PACC1: variants seen among roughly 807,000 people sequenced by gnomAD.
PACC1 encodes the protein proton-activated chloride channel.
In PACC1, 34 loss-of-function variants were observed where a neutral mutation model predicts 39.7. The ratio of observed to expected loss-of-function variants is 0.86; its 90% CI spans 0.65 to 1.14. The LOEUF (loss-of-function observed/expected upper bound fraction) is 1.14, where lower values mean the gene tolerates loss of function less well. Ranked by LOEUF, PACC1 falls within the 50% of genes most tolerant of loss-of-function variation. The pLI is 0.00. For synonymous variants in PACC1, 127 were observed against 160.6 expected (o/e 0.79, Z 1.58); for missense variants, 379 against 436.4 (o/e 0.87, Z 1.17).
chr1:212,396,715 A>AC (rs1661534018), intron 2 of PACC1, among the ~76,000 whole-genome samples: 1 of 151,348 alleles, frequency 6.6e-6, no homozygotes, highest in Admixed American at 6.6e-5. Flanking sequence ...AAAAAAAAAA[A>AC]AAAACCATCC....
At chr1:212,395,575 A>C (rs975731600) in intron 2 of PACC1, among the ~76,000 whole-genome samples, 1 of 152,234 alleles carries the variant, frequency 6.6e-6, no homozygotes, top group African/African-American at 2.4e-5. Context: ...ACAAAAGCCA[A>C]AATTGACAAA....
Position 212,375,345 on chromosome 1 carries a change from C to T in PACC1, c.784-45G>A, listed in dbSNP as rs201804729. ...AGCAGTGTTACCACCTCTGTGTGCC[C>T]TTCCCTTGCCTGTGCCCAGCGAAAG... On this transcript the variant is annotated intron_variant, in intron 6 of 7. Coordinates refer to ENST00000261455, the MANE Select transcript of PACC1 (RefSeq NM_018252.3). 26 of 1,358,926 alleles carry T rather than the reference C, an allele frequency of 1.9e-5. No homozygotes were observed. The African/African-American group carries it at 3.3e-4, about 17-fold the overall frequency. The allele number at this position is 1,358,926 out of a possible 1,614,324, so 84.2% of individuals were successfully genotyped here. A position where few individuals can be genotyped will look rare whatever the true frequency, so the allele number is the denominator to read the frequency against.
rs1361909825 is a variant in PACC1 at position 212,386,358 on chromosome 1, G to C, written c.343+533C>G. ...TAGCAGAGTGGACTCCCCACTCAGG[G>C]ACCAGACACCCCAGTGAGACAGGTA... On this transcript the variant is annotated intron_variant, in intron 3 of 7. Transcript: ENST00000261455. This position sits in a 1 kb window ranked among gnomAD's most constrained non-coding sequence, Gnocchi z 5.0. Among the ~76,000 whole-genome samples the C allele has an allele frequency of 6.6e-6, 1 of 152,126 alleles. No individual in the cohort carries two copies. Among genetic ancestry groups the C allele is most frequent in the East Asian group, 1.9e-4 (1 of 5,188 alleles).
At chr1:212,414,019 A>G (rs1310241731) in intron 1 of PACC1, 2 of 1,535,862 alleles carry the variant, frequency 1.3e-6, no homozygotes, top group South Asian at 2.4e-5. Flanking sequence ...GAGCAGTTTC[A>G]CTAATACAGC....
intron 2 of PACC1, among the ~76,000 whole-genome samples, chr1:212,388,288 T>C (rs911484545): frequency 2.6e-5 from 4 of 152,162 alleles, no homozygotes; most frequent in Non-Finnish European, 5.9e-5. Flanking sequence ...TAGCCCTTCA[T>C]GCTATGCCTG....
intron 2 of PACC1, among the ~76,000 whole-genome samples, chr1:212,397,083 A>C (rs1368412505): frequency 2.0e-5 from 3 of 152,212 alleles, no homozygotes; most frequent in African/African-American, 7.2e-5. Context: ...GCTAAGAAAA[A>C]TTCTGAAAGC....
intron 2 of PACC1, among the ~76,000 whole-genome samples, chr1:212,391,013 G>C (rs1335018311): frequency 1.3e-5 from 2 of 152,256 alleles, no homozygotes; most frequent in Non-Finnish European, 2.9e-5. Context: ...CCACCTCTGG[G>C]GGCAGGGCAT....
At chr1:212,396,181 C>T (rs1013478158) in intron 2 of PACC1, among the ~76,000 whole-genome samples, 3 of 152,142 alleles carry the variant, frequency 2.0e-5, no homozygotes, top group Admixed American at 1.3e-4. Context: ...AGACTTGGAA[C>T]CAAGCCAAAT....
At chr1:212,396,293 C>T (rs954003097) in intron 2 of PACC1, among the ~76,000 whole-genome samples, 3 of 152,216 alleles carry the variant, frequency 2.0e-5, no homozygotes, top group South Asian at 4.1e-4. Flanking sequence ...TGTAGGGACA[C>T]GGCTGAAGCT....
intron 1 of PACC1, among the ~76,000 whole-genome samples, chr1:212,412,795 A>G (rs1571688697): frequency 6.6e-6 from 1 of 152,372 alleles, no homozygotes; most frequent in South Asian, 2.1e-4. Context: ...TCCTGGACGC[A>G]GGAGCTGCCC....
At chr1:212,390,324 G>A (rs1661264737) in intron 2 of PACC1, among the ~76,000 whole-genome samples, 1 of 151,636 alleles carries the variant, frequency 6.6e-6, no homozygotes, top group Non-Finnish European at 1.5e-5. Context: ...TCAGGAGGCT[G>A]AGGCAGGAGA....
At chr1:212,389,503 A>G (rs1188935884) in intron 2 of PACC1, among the ~76,000 whole-genome samples, 1 of 152,232 alleles carries the variant, frequency 6.6e-6, no homozygotes, top group Non-Finnish European at 1.5e-5. Flanking sequence ...TATCATTCAT[A>G]ATGTCCAGTG....
At chr1:212,409,057 G>A (rs1489983352) in intron 2 of PACC1, among the ~76,000 whole-genome samples, 1 of 152,174 alleles carries the variant, frequency 6.6e-6, no homozygotes, top group East Asian at 1.9e-4. Context: ...CACATACAAG[G>A]GATCTAGGTT....
chr1:212,382,043 T>C (rs1403170493), intron 4 of PACC1, among the ~76,000 whole-genome samples: 2 of 102,782 alleles, frequency 1.9e-5, no homozygotes, highest in African/African-American at 8.5e-5. Flanking sequence ...GGAGTGTTCT[T>C]GTTTTTTTTT....
chr1:212,383,209 A>G (rs3754142), intron 4 of PACC1, among the ~76,000 whole-genome samples: 7,569 of 152,072 alleles, frequency 0.05, 766 homozygotes, highest in East Asian at 0.42. Flanking sequence ...CATAAAAACA[A>G]CTCTCTCTTT....
At chr1:212,381,319 A>C (rs1660871665) in intron 4 of PACC1, among the ~76,000 whole-genome samples, 1 of 152,234 alleles carries the variant, frequency 6.6e-6, no homozygotes, top group Non-Finnish European at 1.5e-5. Context: ...AAACTTTTGC[A>C]CGTGGAATTC....
At chr1:212,375,648 G>GCCTA (rs1167045073) in intron 6 of PACC1, among the ~76,000 whole-genome samples, 4 of 152,138 alleles carry the variant, frequency 2.6e-5, no homozygotes, top group South Asian at 2.1e-4. Flanking sequence ...ACTTTGTGAG[G>GCCTA]CCTAGCCAGG....
At chr1:212,375,125 C>T in intron 7 of PACC1, 68 bp downstream of exon 7, 1 of 1,267,886 alleles carries the variant, frequency 7.9e-7, no homozygotes, top group South Asian at 1.3e-5. Context: ...TTAAATAATA[C>T]ATCTATCATA....
chr1:212,410,995 T>C (rs1484220548), intron 1 of PACC1, among the ~76,000 whole-genome samples: 1 of 152,210 alleles, frequency 6.6e-6, no homozygotes, highest in Non-Finnish European at 1.5e-5. Flanking sequence ...ATGGTCATCG[T>C]CTTGAAGGAC....
Sources: allele counts gnomAD v4.1 joint callset (sites outside exome capture counted in the v4.1 genomes callset), GRCh38; gene constraint gnomAD v4.1.1; non-coding constraint Gnocchi (gnomAD v3.1); transcripts MANE v1.5; gene names NCBI Gene and HGNC (gene_info 2026-07-23, HGNC 2026-07-21).